Variants in CAMKMT observed in about 807,000 individuals in gnomAD.
CAMKMT encodes calmodulin-lysine N-methyltransferase.
Under a neutral mutation model 48.0 loss-of-function variants are expected in CAMKMT, and 53 were observed. That is an observed-to-expected ratio of 1.10 (90% CI 0.89 to 1.39). The LOEUF is 1.39. Among genes scored for constraint, CAMKMT ranks in the 40% most tolerant of loss-of-function variants. The pLI is 0.00. For synonymous variants in CAMKMT, 165 were observed against 152.3 expected, an observed-to-expected ratio of 1.08 and a Z score of -0.61; for missense variants, 428 against 402.7, an observed-to-expected ratio of 1.06 and a Z score of -0.54.
chr2:44,509,224 G>A (rs1438930168), intron 3 of CAMKMT, among the ~76,000 whole-genome samples: 82 of 152,240 alleles, frequency 5.4e-4, no homozygotes, highest in Non-Finnish European at 5.9e-5. Context: ...TGAGCTCAGG[G>A]AACTGTCTCC....
intron 2 of CAMKMT, among the ~76,000 whole-genome samples, chr2:44,378,052 T>C (rs1041621534): frequency 6.6e-6 from 1 of 152,242 alleles, no homozygotes; most frequent in African/African-American, 2.4e-5. Context: ...ACTGCATCTA[T>C]ATTTAAAAGC....
At chr2:44,606,358 C>T (rs1489453535) in intron 3 of CAMKMT, among the ~76,000 whole-genome samples, 1 of 152,098 alleles carries the variant, frequency 6.6e-6, no homozygotes, top group Non-Finnish European at 1.5e-5. Flanking sequence ...ATATCTTTTT[C>T]CATTTAAATA....
chr2:44,754,189 G>A, intron 9 of CAMKMT, 71 bp downstream of exon 9: 1 of 1,166,106 alleles, frequency 8.6e-7, no homozygotes, highest in Non-Finnish European at 1.3e-6. Flanking sequence ...GATGGAGAGA[G>A]TAATGGAATG....
chr2:44,729,018 T>G (rs1311104723), intron 7 of CAMKMT, among the ~76,000 whole-genome samples: 1 of 150,726 alleles, frequency 6.6e-6, no homozygotes, highest in Non-Finnish European at 1.5e-5. Context: ...TGTCTTTTGT[T>G]TTTTTAAAAA....
chr2:44,474,488 A>G (rs1668585216), intron 3 of CAMKMT, among the ~76,000 whole-genome samples: 1 of 152,006 alleles, frequency 6.6e-6, no homozygotes, highest in Non-Finnish European at 1.5e-5. Flanking sequence ...AAATGTAGTA[A>G]GTATCGAGAG....
intron 3 of CAMKMT, among the ~76,000 whole-genome samples, chr2:44,524,569 T>A (rs893021270): frequency 6.6e-6 from 1 of 151,912 alleles, no homozygotes; most frequent in Non-Finnish European, 1.5e-5. Context: ...TCTTCTTCCT[T>A]CCTCTTCCCT....
chr2:44,380,395 G>C (rs1438306064), intron 2 of CAMKMT, among the ~76,000 whole-genome samples: 2 of 152,174 alleles, frequency 1.3e-5, no homozygotes, highest in African/African-American at 4.8e-5. Flanking sequence ...CAAGTATAAT[G>C]CTAAGACTGA....
At chr2:44,387,095 T>C (rs1377815631) in intron 2 of CAMKMT, among the ~76,000 whole-genome samples, 1 of 152,176 alleles carries the variant, frequency 6.6e-6, no homozygotes, top group Non-Finnish European at 1.5e-5. Flanking sequence ...TGATGACCTG[T>C]CTAGTGCTGT....
chr2:44,531,257 G>T (rs1316048470), intron 3 of CAMKMT, among the ~76,000 whole-genome samples: 1 of 152,016 alleles, frequency 6.6e-6, no homozygotes, highest in African/African-American at 2.4e-5. Context: ...TAAATAATGG[G>T]TCTAATACAC....
At chr2:44,440,012 A>C (rs962602937) in intron 3 of CAMKMT, among the ~76,000 whole-genome samples, 1 of 152,198 alleles carries the variant, frequency 6.6e-6, no homozygotes, top group Non-Finnish European at 1.5e-5. Context: ...ATCTTTTCTG[A>C]CAGTGCCTCC....
chr2:44,717,247 T>A (rs1019203310), intron 7 of CAMKMT, among the ~76,000 whole-genome samples: 1 of 152,004 alleles, frequency 6.6e-6, no homozygotes. Context: ...ATGGGCTTTT[T>A]TTGTCATCTT....
intron 2 of CAMKMT, among the ~76,000 whole-genome samples, chr2:44,379,664 T>C (rs1680044791): frequency 6.6e-6 from 1 of 152,168 alleles, no homozygotes; most frequent in South Asian, 2.1e-4. Context: ...ATTTCTCTAT[T>C]GTCTAATGAT....
At chr2:44,706,238 AT>A in intron 4 of CAMKMT, 48 bp from the exon 5 acceptor site, 2 of 1,591,868 alleles carry the variant, frequency 1.3e-6, no homozygotes, top group Non-Finnish European at 1.7e-6. Flanking sequence ...CTCTCTGACC[AT>A]TTTCATCTAA....
chr2:44,521,777 C>T (rs1490028908), intron 3 of CAMKMT, among the ~76,000 whole-genome samples: 1 of 152,138 alleles, frequency 6.6e-6, no homozygotes, highest in Admixed American at 6.5e-5. Context: ...ATCCCTTGAA[C>T]TCAGGAATTT....
At position 44,523,666 on chromosome 2, in the gene CAMKMT, T is replaced by G. The variant is rs151193783; in HGVS notation, c.376+133361T>G. ...ACTGAGCTAGGATGACCTAAAGGCTTAACTGGGACCATAGACTATAGAGTA... is the reference window on the plus strand; with the variant it reads ...ACTGAGCTAGGATGACCTAAAGGCTGAACTGGGACCATAGACTATAGAGTA... On this transcript the variant is annotated intron_variant, in intron 3 of 10. Coordinates refer to ENST00000378494, the MANE Select transcript of CAMKMT (RefSeq NM_024766.5). 3.7e-3 allele frequency among the ~76,000 whole-genome samples: 563 copies of G among 152,028 alleles called. 6 individuals are homozygous for G. Among genetic ancestry groups the G allele is most frequent in the African/African-American group, 0.013 (539 of 41,488 alleles).
At chr2:44,582,034 A>C (rs977435792) in intron 3 of CAMKMT, among the ~76,000 whole-genome samples, 1 of 152,168 alleles carries the variant, frequency 6.6e-6, no homozygotes, top group African/African-American at 2.4e-5. Context: ...TTTTAACAGA[A>C]TGTTTTGTTT....
intron 7 of CAMKMT, among the ~76,000 whole-genome samples, chr2:44,721,568 A>G (rs974453026): frequency 1.2e-4 from 19 of 152,212 alleles, no homozygotes; most frequent in African/African-American, 3.6e-4. Flanking sequence ...TTTACTTACT[A>G]TACAAGTCAC....
At chr2:44,461,419 T>C (rs1217562151) in intron 3 of CAMKMT, among the ~76,000 whole-genome samples, 1 of 152,176 alleles carries the variant, frequency 6.6e-6, no homozygotes, top group African/African-American at 2.4e-5. Context: ...TTGCTCAAAG[T>C]TATATAGCTA....
chr2:44,659,298 A>G (rs539392169), intron 3 of CAMKMT, among the ~76,000 whole-genome samples: 1 of 152,032 alleles, frequency 6.6e-6, no homozygotes, highest in Admixed American at 6.6e-5. Flanking sequence ...TGGTGGCTAC[A>G]TGCCTGTAGG....
Sources: gnomAD v4.1 joint callset for allele counts (sites outside exome capture counted in the v4.1 genomes callset) on GRCh38, gnomAD v4.1.1 for gene constraint, MANE v1.5 for transcripts, NCBI Gene and HGNC (gene_info 2026-07-23, HGNC 2026-07-21) for gene names.